The following WDPCP variants were observed in gnomAD, a reference collection of about 807,000 sequenced individuals.
WDPCP encodes WD repeat containing planar cell polarity effector, also known as WD repeat-containing and planar cell polarity effector protein fritz homolog.
A neutral mutation model predicts 93.1 loss-of-function variants in WDPCP; 71 were observed. That is an observed-to-expected ratio of 0.76 (90% CI 0.63 to 0.93). WDPCP has a LOEUF of 0.93. Ranked by LOEUF, WDPCP falls within the 40% of genes least tolerant of loss-of-function variation. The pLI is 0.00. For missense variants in WDPCP, 844 were observed against 887.4 expected (o/e 0.95, Z 0.62); for synonymous variants, 315 against 315.0 (o/e 1.00, Z 0.00).
chr2:63,800,803 A>AG (rs1478393381), intron 2 of WDPCP, among the ~76,000 whole-genome samples: 3 of 152,210 alleles, frequency 2.0e-5, no homozygotes, highest in Non-Finnish European at 2.9e-5. Flanking sequence ...CTGTAATCCA[A>AG]GCACTTTGGG....
At chr2:63,242,603 C>A (rs1001155446) in intron 14 of WDPCP, among the ~76,000 whole-genome samples, 7 of 152,144 alleles carry the variant, frequency 4.6e-5, no homozygotes, top group African/African-American at 1.7e-4. Context: ...GCCGTGGCAA[C>A]AGAGCGAGAC....
intron 14 of WDPCP, chr2:63,229,054 G>A (rs1678585322): frequency 6.6e-6 from 1 of 152,164 alleles, no homozygotes; most frequent in Non-Finnish European, 1.5e-5. Context: ...CACCAACAGT[G>A]TAAAAGTGTT....
At chr2:63,528,752 A>G (rs533399263) in intron 1 of WDPCP, among the ~76,000 whole-genome samples, 1 of 152,322 alleles carries the variant, frequency 6.6e-6, no homozygotes, top group Non-Finnish European at 1.5e-5. Flanking sequence ...TCTGTGAAGA[A>G]AGTCATTGGT....
chr2:63,756,871 G>A (rs1354638275), intron 2 of WDPCP, among the ~76,000 whole-genome samples: 1 of 152,156 alleles, frequency 6.6e-6, no homozygotes, highest in Non-Finnish European at 1.5e-5. Context: ...CAAGTAACCT[G>A]CTTAAGATCA....
At chr2:63,594,820 T>G (rs1367496549) in intron 3 of WDPCP, 3 of 391,700 alleles carry the variant, frequency 7.7e-6, no homozygotes, top group Non-Finnish European at 1.4e-5. Flanking sequence ...GTTGACTTGG[T>G]GCAACCAGCA....
intron 13 of WDPCP, among the ~76,000 whole-genome samples, chr2:63,310,874 C>T (rs1166730396): frequency 1.3e-5 from 2 of 151,936 alleles, no homozygotes; most frequent in Middle Eastern, 3.2e-3. Context: ...ATGAATGAAT[C>T]AATAAAGCAA....
At chr2:63,722,975 G>A (rs1469522508) in intron 2 of WDPCP, among the ~76,000 whole-genome samples, 4 of 152,188 alleles carry the variant, frequency 2.6e-5, no homozygotes, top group African/African-American at 9.7e-5. Flanking sequence ...CTGTTGATCT[G>A]TGACCTTACC....
chr2:63,724,213 T>C (rs891040064), intron 2 of WDPCP, among the ~76,000 whole-genome samples: 2 of 152,204 alleles, frequency 1.3e-5, no homozygotes, highest in African/African-American at 4.8e-5. Context: ...CATAAATATA[T>C]CTACCTTTAA....
At chr2:63,550,119 A>T (rs1182331656) in intron 1 of WDPCP, among the ~76,000 whole-genome samples, 2 of 151,434 alleles carry the variant, frequency 1.3e-5, no homozygotes, top group Non-Finnish European at 2.9e-5. Context: ...GGCTTCTCCT[A>T]TGTTCTCATG....
At chr2:63,365,010 T>C (rs1056618801) in intron 12 of WDPCP, among the ~76,000 whole-genome samples, 1 of 152,236 alleles carries the variant, frequency 6.6e-6, no homozygotes, top group African/African-American at 2.4e-5. Context: ...CCAAAAGAAC[T>C]GTATTTACAA....
At chr2:63,223,173 C>A (rs1443778454) in intron 14 of WDPCP, among the ~76,000 whole-genome samples, 1 of 152,088 alleles carries the variant, frequency 6.6e-6, no homozygotes, top group Non-Finnish European at 1.5e-5. Context: ...TTTGACGAAA[C>A]AACTCACCTG....
intron 9 of WDPCP, among the ~76,000 whole-genome samples, chr2:63,429,866 C>A (rs1286636219): frequency 6.6e-6 from 1 of 151,966 alleles, no homozygotes. Context: ...AATCATTCTA[C>A]CAAAAGGACG....
intron 6 of WDPCP, among the ~76,000 whole-genome samples, chr2:63,482,680 C>T (rs1338809944): frequency 6.6e-6 from 1 of 151,912 alleles, no homozygotes; most frequent in Non-Finnish European, 1.5e-5. Flanking sequence ...GTTAGGAGGT[C>T]TCTCAAAGAC....
intron 2 of WDPCP, among the ~76,000 whole-genome samples, chr2:63,490,040 A>G (rs189135109): frequency 6.8e-4 from 104 of 151,852 alleles, no homozygotes; most frequent in African/African-American, 2.3e-3. Context: ...ATATAACCAA[A>G]TTTACAATCA....
At chr2:63,662,727 G>A (rs936208988) in intron 2 of WDPCP, among the ~76,000 whole-genome samples, 1 of 152,060 alleles carries the variant, frequency 6.6e-6, no homozygotes, top group Admixed American at 6.6e-5. Flanking sequence ...GGTGGCTCCA[G>A]GAAAGATAAG....
At chr2:63,833,755 G>A in the WDPCP span, among the ~76,000 whole-genome samples, 1 of 152,072 alleles carries the variant, frequency 6.6e-6, no homozygotes, top group African/African-American at 2.4e-5. Flanking sequence ...ATAAGAAGAG[G>A]TTCTTTAACA....
At chr2:63,559,468 A>G (rs1376217015) in intron 1 of WDPCP, among the ~76,000 whole-genome samples, 2 of 152,216 alleles carry the variant, frequency 1.3e-5, no homozygotes, top group African/African-American at 4.8e-5. Flanking sequence ...AAATAGGAAG[A>G]GAGGAAGTCA....
chr2:63,280,461 C>T (rs545775109), intron 13 of WDPCP, among the ~76,000 whole-genome samples: 7 of 152,246 alleles, frequency 4.6e-5, no homozygotes, highest in Non-Finnish European at 8.8e-5. Flanking sequence ...CTGGGAGATA[C>T]AATTCAAGTT....
intron 6 of WDPCP, among the ~76,000 whole-genome samples, chr2:63,456,546 C>T (rs1698633438): frequency 6.6e-6 from 1 of 152,058 alleles, no homozygotes; most frequent in African/African-American, 2.4e-5. Context: ...GCAATAAACA[C>T]CTGCATCAAA....
Sources: allele counts gnomAD v4.1 joint callset (sites outside exome capture counted in the v4.1 genomes callset), GRCh38; gene constraint gnomAD v4.1.1; transcripts MANE v1.5; gene names NCBI Gene and HGNC (gene_info 2026-07-23, HGNC 2026-07-21).